CSTF3: variants seen among roughly 807,000 people sequenced by gnomAD.
CSTF3 encodes CF-1 77 kDa subunit.
In CSTF3, 29 loss-of-function variants were observed where a neutral mutation model predicts 105.8. That is an observed-to-expected ratio of 0.27 (90% CI 0.20 to 0.37). The LOEUF is 0.37. Among genes scored for constraint, CSTF3 ranks in the 10% least tolerant of loss-of-function variants. The pLI is 1.00. For synonymous variants in CSTF3, 252 were observed against 281.9 expected, an observed-to-expected ratio of 0.89 and a Z score of 1.06; for missense variants, 357 against 879.3, an observed-to-expected ratio of 0.41 and a Z score of 7.51.
rs1208398847 is a variant in CSTF3, at chr11:33,085,300, A to C, written c.1952-11T>G. The C allele has an allele frequency of 6.6e-7, 1 of 1,522,140 alleles. No homozygotes were observed. The highest frequency in any genetic ancestry group is 8.8e-7 in the Non-Finnish European group (1 of 1,137,740). 94.3% of individuals were successfully genotyped at this position (1,522,140 alleles called of 1,614,324 possible). Reference sequence around the variant, plus strand: ...CAGCTTCCTCAACAGCTATTAAAACAAAACAACAAAACGTAAAAACATATT... The same window carrying C: ...CAGCTTCCTCAACAGCTATTAAAACCAAACAACAAAACGTAAAAACATATT... On this transcript the variant is annotated splice_polypyrimidine_tract_variant and intron_variant, in intron 20 of 20. Transcript: ENST00000323959.
chr11:33,104,215 T>C lies in CSTF3; in HGVS notation c.586-1031A>G, dbSNP rs768848655. On this transcript the variant is annotated intron_variant, in intron 8 of 20. Transcript: ENST00000323959. ...AGGAAAGATAAACATTACCACTCAGTGAGTACTCCAAGGATTCTAAGACCC... is the reference window on the plus strand; with the variant it reads ...AGGAAAGATAAACATTACCACTCAGCGAGTACTCCAAGGATTCTAAGACCC... 8.9e-4 allele frequency among the ~76,000 whole-genome samples: 136 copies of C among 152,290 alleles called. 1 individual carries two copies. The highest frequency in any genetic ancestry group is 3.4e-3 in the Middle Eastern group (1 of 294).
intron 3 of CSTF3, among the ~76,000 whole-genome samples, chr11:33,111,772 G>A (rs1565007934): frequency 6.6e-6 from 1 of 152,140 alleles, no homozygotes; most frequent in Admixed American, 6.5e-5. Context: ...ATAAATGTAT[G>A]TAGAAAGACA....
chr11:33,123,888 A>ATATACACATATACATATGTG (rs1448328841), intron 3 of CSTF3, among the ~76,000 whole-genome samples: 4 of 152,082 alleles, frequency 2.6e-5, no homozygotes, highest in Non-Finnish European at 5.9e-5. Context: ...TTATTTTAAT[A>ATATACACATATACATATGTG]TATACACATA....
Position 33,107,926 on chromosome 11 carries a change from G to A in CSTF3, c.333C>T (p.Thr111=). 1 of 1,607,544 alleles carries A rather than the reference G, an allele frequency of 6.2e-7. No homozygotes were observed. Among genetic ancestry groups the A allele is most frequent in the Non-Finnish European group, 8.5e-7 (1 of 1,176,658 alleles). ...WKCYLSYVRE[T]KGKLPSYKEK... ...ACTTGTAACTTGGTAGTTTACCCTT[G>A]GTTTCTCGGACATATGAAAGATAAC... The change falls in exon 5 of 21, where the codon ACC becomes ACT. Residue 111 remains threonine, a synonymous_variant. Transcript: ENST00000323959.
intron 1 of CSTF3, among the ~76,000 whole-genome samples, chr11:33,149,991 C>G (rs1306351113): frequency 1.3e-5 from 2 of 151,966 alleles, no homozygotes; most frequent in African/African-American, 4.8e-5. Flanking sequence ...TGCACTGCAG[C>G]CTGGGCGACA....
At chr11:33,114,458 G>GAA (rs35116935) in intron 3 of CSTF3, among the ~76,000 whole-genome samples, 3 of 150,932 alleles carry the variant, frequency 2.0e-5, no homozygotes, top group Non-Finnish European at 4.4e-5. Flanking sequence ...ATCCCTTGGG[G>GAA]AAAAAAAAAT....
intron 3 of CSTF3, among the ~76,000 whole-genome samples, chr11:33,128,874 C>G (rs1855570911): frequency 6.6e-6 from 1 of 152,176 alleles, no homozygotes; most frequent in Admixed American, 6.5e-5. Flanking sequence ...TCTGCACTGG[C>G]AGTCTCTGCC....
chr11:33,098,319 G>A (rs990132708), intron 13 of CSTF3, among the ~76,000 whole-genome samples: 1 of 152,134 alleles, frequency 6.6e-6, no homozygotes, highest in East Asian at 1.9e-4. Context: ...TATCTATTAA[G>A]CAACAATTCT....
At chr11:33,136,480 C>G (rs1023737929) in intron 3 of CSTF3, among the ~76,000 whole-genome samples, 4 of 151,958 alleles carry the variant, frequency 2.6e-5, no homozygotes, top group Admixed American at 1.3e-4. Context: ...CCTGGAAGTG[C>G]CTTGAACCAG....
At chr11:33,092,423 C>A (rs1390397893) in intron 15 of CSTF3, 83 bp from the exon 16 acceptor site, 2 of 842,132 alleles carry the variant, frequency 2.4e-6, no homozygotes, top group East Asian at 6.0e-5. Flanking sequence ...CTCACTTCAT[C>A]CTTACAAAAA....
At chr11:33,089,637 T>C (rs1485392460) in intron 17 of CSTF3, among the ~76,000 whole-genome samples, 3 of 152,218 alleles carry the variant, frequency 2.0e-5, no homozygotes, top group Non-Finnish European at 4.4e-5. Flanking sequence ...GGCACAGAAA[T>C]AGGGCTTCCA....
At chr11:33,144,895 G>A in intron 1 of CSTF3, 1 of 248,242 alleles carries the variant, frequency 4.0e-6, no homozygotes, top group Non-Finnish European at 8.3e-6. Flanking sequence ...GGGATCGCTT[G>A]AGCCCGGGAG....
rs747819367 is a variant in CSTF3 at position 33,141,730 on chromosome 11, A to G, written c.162T>C (p.Tyr54=). ...TGGGGAACTGGGCAACAAGGCGTTCATAAGTCTTCCGTGCTTTGTCTATAG... is the reference window on the plus strand; with the variant it reads ...TGGGGAACTGGGCAACAAGGCGTTCGTAAGTCTTCCGTGCTTTGTCTATAG... The part of the protein sequence containing the change: ...NQPIDKARKT[Y]ERLVAQFPSS... The change falls in exon 3 of 21, where the codon TAT becomes TAC. Residue 54 remains tyrosine, a synonymous_variant. Coordinates refer to ENST00000323959, the MANE Select transcript of CSTF3 (RefSeq NM_001326.3). 25 of 1,610,144 alleles carry G rather than the reference A, an allele frequency of 1.6e-5. 1 individual carries two copies. The highest frequency in any genetic ancestry group is 1.7e-4 in the Middle Eastern group (1 of 6,058).
rs151248282 is a variant in CSTF3, at chr11:33,138,183, C to T, written c.225+3484G>A. Among the ~76,000 whole-genome samples, 20 of 151,824 alleles carry T rather than the reference C, an allele frequency of 1.3e-4. No homozygotes were observed. In the East Asian group the frequency reaches 3.3e-3, roughly 25 times the overall value. On this transcript the variant is annotated intron_variant, in intron 3 of 20. Coordinates refer to ENST00000323959, the MANE Select transcript of CSTF3 (RefSeq NM_001326.3). ...ACAGCAAGATACATCGTTGCTATTA[C>T]CAGCAGCATTACCTTCTTCATTTCT...
chr11:33,142,414 C>T (rs1413287224), intron 1 of CSTF3, among the ~76,000 whole-genome samples: 1 of 152,154 alleles, frequency 6.6e-6, no homozygotes, highest in Non-Finnish European at 1.5e-5. Flanking sequence ...CACGAGCACA[C>T]ATGGACTCTG....
chr11:33,095,306 G>A (rs1249427988), intron 15 of CSTF3, among the ~76,000 whole-genome samples: 1 of 152,098 alleles, frequency 6.6e-6, no homozygotes, highest in Non-Finnish European at 1.5e-5. Flanking sequence ...TCCAATTCCT[G>A]GGCTCAAGTG....
chr11:33,159,595 CAAAAAAAAA>C (rs71034656), intron 1 of CSTF3, among the ~76,000 whole-genome samples: 9 of 37,952 alleles, frequency 2.4e-4, no homozygotes, highest in Admixed American at 1.4e-3. Context: ...GGCTCCATCT[CAAAAAAAAA>C]AAAAAAAAAA....
intron 8 of CSTF3, among the ~76,000 whole-genome samples, chr11:33,103,820 G>T (rs1417209500): frequency 6.6e-6 from 1 of 151,900 alleles, no homozygotes; most frequent in East Asian, 1.9e-4. Context: ...GCCATGGCTT[G>T]ACTTTGATAG....
At chr11:33,149,616 C>CTGGGCAGAG (rs1855831401) in intron 1 of CSTF3, among the ~76,000 whole-genome samples, 1 of 152,168 alleles carries the variant, frequency 6.6e-6, no homozygotes, top group African/African-American at 2.4e-5. Context: ...AGAAAACAGG[C>CTGGGCAGAG]TGGGCAGAGT....
Sources: gnomAD v4.1 joint callset for allele counts (sites outside exome capture counted in the v4.1 genomes callset) on GRCh38, gnomAD v4.1.1 for gene constraint, MANE v1.5 for transcripts, NCBI Gene and HGNC (gene_info 2026-07-23, HGNC 2026-07-21) for gene names.